ZFPM1: variants seen among roughly 807,000 people sequenced by gnomAD.
ZFPM1 encodes zinc finger protein, FOG family member 1, also known as zinc finger protein ZFPM1.
ZFPM1 carries 28 observed loss-of-function variants against 46.3 expected under a neutral mutation model. The ratio of observed to expected loss-of-function variants is 0.60; its 90% confidence interval spans 0.45 to 0.83. The LOEUF (loss-of-function observed/expected upper bound fraction) is 0.83, where lower values mean the gene tolerates loss of function less well. Among genes scored for constraint, ZFPM1 ranks in the 40% least tolerant of loss-of-function variants. The pLI is 0.00. For synonymous variants in ZFPM1, 957 were observed against 675.9 expected, an observed-to-expected ratio of 1.42 and a Z score of -6.45; for missense variants, 1,878 against 1,432.4, an observed-to-expected ratio of 1.31 and a Z score of -5.02.
chr16:88,467,582 G>T (rs1213576705), intron 1 of ZFPM1, among the ~76,000 whole-genome samples: 2 of 152,146 alleles, frequency 1.3e-5, no homozygotes, highest in Non-Finnish European at 2.9e-5. Flanking sequence ...GCCTTGCAGG[G>T]CACATGCGCA....
chr16:88,520,384 T>C lies in ZFPM1; in HGVS notation c.402+5864T>C, dbSNP rs141818438. 6.2e-3 allele frequency among the ~76,000 whole-genome samples: 929 copies of C among 149,788 alleles called. 7 individuals are homozygous for C. The highest frequency in any genetic ancestry group is 0.022 in the African/African-American group (883 of 40,490). On this transcript the variant is annotated intron_variant, in intron 4 of 9. Transcript: ENST00000319555. ...ATGGGTGGATGGATGAGTGGATGGA[T>C]AGATGGATAGGTGGATGGATAAATG...
rs767236211 is a variant in ZFPM1, at chr16:88,533,768, C to A, written c.1810C>A (p.Arg604Ser). 3 of 1,383,370 alleles carry A rather than the reference C, an allele frequency of 2.2e-6. No homozygotes were observed. Among genetic ancestry groups the A allele is most frequent in the South Asian group, 1.3e-5 (1 of 76,724 alleles). The allele number at this position is 1,383,370 out of a possible 1,614,324, so 85.7% of individuals were successfully genotyped here. ...VHKRLYCSGR[R>S]APEDAPAARR... ...CAAGCGCCTCTACTGTTCAGGCCGC[C>A]GTGCGCCCGAGGACGCGCCTGCCGC... The change falls in exon 10 of 10, where the codon CGT becomes AGT. Residue 604 changes from arginine to serine, a missense_variant. Coordinates refer to ENST00000319555, the MANE Select transcript of ZFPM1 (RefSeq NM_153813.3).
intron 1 of ZFPM1, among the ~76,000 whole-genome samples, chr16:88,458,020 CTG>C (rs1169691769): frequency 6.6e-6 from 1 of 152,210 alleles, no homozygotes; most frequent in Non-Finnish European, 1.5e-5. Flanking sequence ...AGAGCCCTCT[CTG>C]TGCCAGGCTG....
intron 4 of ZFPM1, among the ~76,000 whole-genome samples, chr16:88,525,737 G>T (rs748323783): frequency 5.3e-4 from 80 of 152,326 alleles, no homozygotes; most frequent in Admixed American, 1.4e-3. Flanking sequence ...TCTGACCAGT[G>T]TTGGGCACCA....
chr16:88,533,526 C>T lies in ZFPM1; in HGVS notation c.1568C>T (p.Ala523Val), dbSNP rs777637362. The T allele has an allele frequency of 7.7e-5, 112 of 1,449,328 alleles. 1 individual carries two copies. The South Asian group carries it at 1.2e-3, about 15-fold the overall frequency. The allele number at this position is 1,449,328 out of a possible 1,614,324, so 89.8% of individuals were successfully genotyped here. A position where few individuals can be genotyped will look rare whatever the true frequency, so the allele number is the denominator to read the frequency against. Residue 523 changes from alanine (A) to valine (V), a missense_variant, in exon 10 of 10, where the codon GCC becomes GTC. Physicochemically the swap from Ala to Val is moderately conservative, Grantham distance 64 (BLOSUM62 0). Transcript: ENST00000319555. ...PVPGELGLAGALFLPQYVFGP... is the reference protein window; with the variant it reads ...PVPGELGLAGVLFLPQYVFGP... ...CCCGGCGAGCTGGGCCTGGCCGGGG[C>T]CCTGTTCCTTCCGCAGTACGTGTTC...
At chr16:88,461,897 C>T (rs532116468) in intron 1 of ZFPM1, among the ~76,000 whole-genome samples, 123 of 152,338 alleles carry the variant, frequency 8.1e-4, no homozygotes, top group Middle Eastern at 6.8e-3. Context: ...GGAGGCGTGA[C>T]ATGTGTGAGG....
chr16:88,521,402 C>A (rs926576923), intron 4 of ZFPM1, among the ~76,000 whole-genome samples: 1 of 151,988 alleles, frequency 6.6e-6, no homozygotes, highest in African/African-American at 2.4e-5. Context: ...CTGCTCAGAC[C>A]CTGTGGTGCC....
At chr16:88,463,246 G>A (rs1033086373) in intron 1 of ZFPM1, among the ~76,000 whole-genome samples, 3 of 152,230 alleles carry the variant, frequency 2.0e-5, no homozygotes, top group Admixed American at 6.5e-5. Context: ...AGGGCCTCAC[G>A]GTTGATGGCG....
intron 4 of ZFPM1, among the ~76,000 whole-genome samples, chr16:88,520,551 T>TGGATGGATGGATGGACGGATGGGG (rs1555527770): frequency 3.6e-4 from 37 of 103,414 alleles, no homozygotes; most frequent in African/African-American, 1.3e-3. Context: ...GCTGAAAGGA[T>TGGATGGATGGATGGACGGATGGGG]GGATGGATGG....
At chr16:88,473,261 T>C (rs893941292) in intron 1 of ZFPM1, among the ~76,000 whole-genome samples, 1 of 152,202 alleles carries the variant, frequency 6.6e-6, no homozygotes, top group Non-Finnish European at 1.5e-5. Context: ...GATGGCCCAC[T>C]TGGAAGAGGA....
chr16:88,521,430 C>T (rs1230978493), intron 4 of ZFPM1, among the ~76,000 whole-genome samples: 1 of 151,926 alleles, frequency 6.6e-6, no homozygotes, highest in African/African-American at 2.4e-5. Flanking sequence ...GTCCCAGCCC[C>T]ATCCCCAGGT....
chr16:88,478,805 A>G (rs943400070), intron 1 of ZFPM1, among the ~76,000 whole-genome samples: 9 of 152,276 alleles, frequency 5.9e-5, no homozygotes, highest in African/African-American at 2.2e-4. Context: ...CAAGGGCGGC[A>G]GGGGAAGGAG....
In ZFPM1 at chr16:88,453,647, G is replaced by T; in HGVS notation, c.9G>T (p.Arg3Ser). 1 of 1,181,962 alleles carries T rather than the reference G, an allele frequency of 8.5e-7. No individual in the cohort carries two copies. The allele number at this position is 1,181,962 out of a possible 1,614,324, so 73.2% of individuals were successfully genotyped here. A position where few individuals can be genotyped will look rare whatever the true frequency, so the allele number is the denominator to read the frequency against. Residue 3 changes from arginine (R) to serine (S), a missense_variant, in exon 1 of 10, where the codon AGG (arginine) becomes AGT (serine). Physicochemically the swap from Arg to Ser is moderately radical, Grantham distance 110 (BLOSUM62 -1). Coordinates refer to ENST00000319555, the MANE Select transcript of ZFPM1 (RefSeq NM_153813.3). MS[R>S]RKQSNPRQIK... is the part of the protein sequence containing the mutation. ...CGCGCGGCGCCGGAGACATGTCCAGGCGGAAACAGAGCAACCCCCGGCAGA... is the reference window on the plus strand; with the variant it reads ...CGCGCGGCGCCGGAGACATGTCCAGTCGGAAACAGAGCAACCCCCGGCAGA...
In ZFPM1 at chr16:88,493,278, T is replaced by A. The variant is rs1909712376; in HGVS notation, c.268+4125T>A. 2.9e-5 allele frequency among the ~76,000 whole-genome samples: 4 copies of A among 137,238 alleles called. No individual in the cohort carries two copies. In the South Asian group the frequency reaches 9.5e-4, roughly 33 times the overall value. The allele number at this position is 137,238 out of a possible 152,430, so 90.0% of individuals were successfully genotyped here. A position where few individuals can be genotyped will look rare whatever the true frequency, so the allele number is the denominator to read the frequency against. The stretch of plus-strand genomic sequence containing the variant: ...TGGGGTGCGGGGAGCTGTCCCGGAG[T>A]GAGGAGAGCTGTTCCGGGGTGGAGA... On this transcript the variant is annotated intron_variant, in intron 3 of 9. Transcript: ENST00000319555.
At chr16:88,507,327 C>G (rs922947511) in intron 3 of ZFPM1, among the ~76,000 whole-genome samples, 5 of 152,218 alleles carry the variant, frequency 3.3e-5, no homozygotes, top group African/African-American at 7.2e-5. Context: ...GCCTCCAGAG[C>G]TCAGAGATGG....
rs1009722979 is a variant in ZFPM1 at position 88,453,648 on chromosome 16, C to A, written c.10C>A (p.Arg4=). 13 of 1,182,732 alleles carry A rather than the reference C, an allele frequency of 1.1e-5. No individual in the cohort carries two copies. Among genetic ancestry groups the A allele is most frequent in the Middle Eastern group, 3.0e-4 (1 of 3,294 alleles). 73.3% of individuals were successfully genotyped at this position (1,182,732 alleles called of 1,614,324 possible). A position where few individuals can be genotyped will look rare whatever the true frequency, so the allele number is the denominator to read the frequency against. MSR[R]KQSNPRQIKR... ...GCGCGGCGCCGGAGACATGTCCAGG[C>A]GGAAACAGAGCAACCCCCGGCAGAT... The change falls in exon 1 of 10, where the codon CGG becomes AGG. Residue 4 remains arginine, a synonymous_variant. Coordinates refer to ENST00000319555, the MANE Select transcript of ZFPM1 (RefSeq NM_153813.3).
At position 88,525,188 on chromosome 16, in the gene ZFPM1, G is replaced by C. The variant is rs970083304; in HGVS notation, c.403-1626G>C. On this transcript the variant is annotated intron_variant, in intron 4 of 9. Transcript: ENST00000319555. ...ACGGGTCTGGTCGTGCCCTGCCCAAGGTCGCAGCAGGGAGGCCGAGCCTGG... is the reference window on the plus strand; with the variant it reads ...ACGGGTCTGGTCGTGCCCTGCCCAACGTCGCAGCAGGGAGGCCGAGCCTGG... Among the ~76,000 whole-genome samples the C allele has an allele frequency of 1.6e-4, 24 of 152,260 alleles. 1 individual carries two copies. The highest frequency in any genetic ancestry group is 1.4e-3 in the Admixed American group (22 of 15,292).
At chr16:88,474,039 A>G (rs1318243061) in intron 1 of ZFPM1, among the ~76,000 whole-genome samples, 2 of 152,234 alleles carry the variant, frequency 1.3e-5, no homozygotes, top group African/African-American at 4.8e-5. Flanking sequence ...TTCAGCGTCG[A>G]TAAAGTTTCC....
Position 88,471,422 on chromosome 16 carries a change from G to A in ZFPM1, c.41-14517G>A, listed in dbSNP as rs575616416. Among the ~76,000 whole-genome samples the A allele has an allele frequency of 1.3e-5, 2 of 151,094 alleles. No individual in the cohort carries two copies. Among genetic ancestry groups the A allele is most frequent in the East Asian group, 1.9e-4 (1 of 5,180 alleles). ...AGTGGCTCCCACGCATAGTGGGGGG[G>A]CCAAGACCCCAAGATGACCATGGCT... On this transcript the variant is annotated intron_variant, in intron 1 of 9. Coordinates refer to ENST00000319555, the MANE Select transcript of ZFPM1 (RefSeq NM_153813.3). The surrounding 1 kb of genome is among the most constrained non-coding windows in gnomAD (Gnocchi z 4.1).
Sources: allele counts gnomAD v4.1 joint callset (sites outside exome capture counted in the v4.1 genomes callset), GRCh38; gene constraint gnomAD v4.1.1; non-coding constraint Gnocchi (gnomAD v3.1); transcripts MANE v1.5; gene names NCBI Gene and HGNC (gene_info 2026-07-23, HGNC 2026-07-21).